Variants in ANKRD30BL observed in about 807,000 individuals in gnomAD.
ANKRD30BL encodes the protein ankyrin repeat domain 30B like.
Under a neutral mutation model 18.4 loss-of-function variants are expected in ANKRD30BL, and 20 were observed. That is an observed-to-expected ratio of 1.09 (90% confidence interval 0.77 to 1.58). ANKRD30BL has a LOEUF of 1.58. Ranked by LOEUF, ANKRD30BL falls within the 40% of genes most tolerant of loss-of-function variation. The pLI, the probability that ANKRD30BL is intolerant of heterozygous loss-of-function variation, is 0.00. For synonymous variants in ANKRD30BL, 72 were observed against 100.9 expected (o/e 0.71, Z 1.72); for missense variants, 224 against 268.6 (o/e 0.83, Z 1.16).
chr2:132,193,380 C>T (rs1678898342), intron 1 of ANKRD30BL, among the ~76,000 whole-genome samples: 1 of 152,210 alleles, frequency 6.6e-6, no homozygotes, highest in African/African-American at 2.4e-5. Context: ...TTTTCATCCT[C>T]AGAGGGACAT....
chr2:132,166,944 C>T (rs2104938190), upstream of ANKRD30BL, among the ~76,000 whole-genome samples: 1 of 151,914 alleles, frequency 6.6e-6, no homozygotes, highest in South Asian at 2.1e-4. Context: ...AATTTAGGTA[C>T]TAGTTCTACT....
intron 1 of ANKRD30BL, among the ~76,000 whole-genome samples, chr2:132,210,091 A>G (rs1205878755): frequency 6.6e-6 from 1 of 152,188 alleles, no homozygotes; most frequent in African/African-American, 2.4e-5. Flanking sequence ...TTCAACTCAC[A>G]GAGTTTAAAC....
intron 1 of ANKRD30BL, among the ~76,000 whole-genome samples, chr2:132,224,237 C>T (rs1332729112): frequency 1.3e-5 from 2 of 151,520 alleles, no homozygotes; most frequent in Non-Finnish European, 2.9e-5. Context: ...GATTGAAATA[C>T]TCTTTTTGTA....
chr2:132,160,125 A>G (rs1688014203), intron 1 of ANKRD30BL, among the ~76,000 whole-genome samples: 1 of 152,052 alleles, frequency 6.6e-6, no homozygotes, highest in African/African-American at 2.4e-5. Flanking sequence ...TATTTTTGAG[A>G]CAGAGTCTCA....
chr2:132,154,738 T>G lies in ANKRD30BL; in HGVS notation c.538A>C (p.Arg180=). 1.4e-6 allele frequency: 1 copy of G among 727,100 alleles called. No homozygotes were observed. The highest frequency in any genetic ancestry group is 2.6e-6 in the Non-Finnish European group (1 of 390,010). 45.0% of individuals were successfully genotyped at this position (727,100 alleles called of 1,614,324 possible). The part of the protein sequence containing the change: ...AGHTPLLLAI[R]KRSEEIVEFL... ...TCCACAATTTCCTCACTTCTTTTCC[T>G]TATGGCCAGTAAAAGTGGTGTGTGG... Residue 180 remains arginine, a synonymous_variant, in exon 4 of 6, where the codon AGG becomes CGG. Coordinates refer to ENST00000409867, the MANE Select transcript of ANKRD30BL (RefSeq NM_001358416.1).
chr2:132,151,225 A>G (rs1415206728), intron 4 of ANKRD30BL, among the ~76,000 whole-genome samples: 5 of 152,204 alleles, frequency 3.3e-5, no homozygotes, highest in Admixed American at 2.0e-4. Context: ...AGGTAGCTTG[A>G]CATGTGGAAA....
At chr2:132,249,017 A>T (rs910299970) in intron 1 of ANKRD30BL, among the ~76,000 whole-genome samples, 16 of 152,226 alleles carry the variant, frequency 1.1e-4, no homozygotes, top group African/African-American at 3.9e-4. Flanking sequence ...ATTGCACAAG[A>T]AAAGAGTTTC....
rs77382622 is a variant in ANKRD30BL at position 132,252,762 on chromosome 2, C to T, written n.441+4767G>A. 1.5e-4 allele frequency among the ~76,000 whole-genome samples: 23 copies of T among 152,052 alleles called. No individual in the cohort carries two copies. In the South Asian group the frequency reaches 1.9e-3, roughly 12 times the overall value. On this transcript the variant is annotated intron_variant and non_coding_transcript_variant, in intron 1 of 4. Transcript: ENST00000470729. ...CCCCACCACCGACGACGTGAGACGA[C>T]GACGGCATGGGACCTTCCACCCCGC...
At chr2:132,157,516 C>T (rs1479338073) in intron 1 of ANKRD30BL, 93 bp from the exon 2 acceptor site, 9 of 453,426 alleles carry the variant, frequency 2.0e-5, no homozygotes, top group Non-Finnish European at 2.8e-5. Flanking sequence ...ATACCATGCT[C>T]TTTCTCTGCC....
upstream of ANKRD30BL, among the ~76,000 whole-genome samples, chr2:132,162,561 C>G (rs1174212181): frequency 6.6e-6 from 1 of 152,220 alleles, no homozygotes; most frequent in Non-Finnish European, 1.5e-5. Flanking sequence ...GTCCCACTGC[C>G]TGACTTAGGC....
intron 1 of ANKRD30BL, chr2:132,256,945 C>G (rs78879023): frequency 2.0e-6 from 1 of 496,366 alleles, no homozygotes; most frequent in Non-Finnish European, 4.0e-6. Flanking sequence ...CCTGGGAGCC[C>G]GCAGAGGGGC....
rs939901961 is a variant in ANKRD30BL at position 132,255,125 on chromosome 2, G to A, written n.441+2404C>T. On this transcript the variant is annotated intron_variant and non_coding_transcript_variant, in intron 1 of 4. Coordinates refer to the ANKRD30BL transcript ENST00000470729. ...CACCGCCACATCGCCAGTTGGCATCGTTTATGGTCGGAATTACAACGGTAT... is the reference window on the plus strand; with the variant it reads ...CACCGCCACATCGCCAGTTGGCATCATTTATGGTCGGAATTACAACGGTAT... Among the ~76,000 whole-genome samples the A allele has an allele frequency of 3.9e-4, 59 of 152,332 alleles. 1 individual carries two copies. The highest frequency in any genetic ancestry group is 6.9e-4 in the Non-Finnish European group (47 of 68,036).
At chr2:132,233,217 G>C (rs1193293838) in intron 1 of ANKRD30BL, among the ~76,000 whole-genome samples, 1 of 151,986 alleles carries the variant, frequency 6.6e-6, no homozygotes, top group Non-Finnish European at 1.5e-5. Flanking sequence ...ACCAGTACCA[G>C]CCACTGCAAA....
At chr2:132,188,569 G>A (rs868588273) in intron 1 of ANKRD30BL, among the ~76,000 whole-genome samples, 1 of 152,112 alleles carries the variant, frequency 6.6e-6, no homozygotes, top group Non-Finnish European at 1.5e-5. Flanking sequence ...AATTAGCCGG[G>A]CATGGTGGCA....
At chr2:132,151,308 A>C (rs571261849) in intron 4 of ANKRD30BL, among the ~76,000 whole-genome samples, 1 of 152,150 alleles carries the variant, frequency 6.6e-6, no homozygotes, top group Non-Finnish European at 1.5e-5. Flanking sequence ...TGCTTCTCTT[A>C]GACTCAATGT....
chr2:132,238,594 C>T (rs1052745791), intron 1 of ANKRD30BL, among the ~76,000 whole-genome samples: 24 of 151,710 alleles, frequency 1.6e-4, no homozygotes, highest in African/African-American at 5.6e-4. Flanking sequence ...CTCTTTGAAG[C>T]CTATGGTGAA....
intron 1 of ANKRD30BL, chr2:132,257,437 G>C (rs1490032581): frequency 3.2e-6 from 1 of 310,568 alleles, no homozygotes; most frequent in Non-Finnish European, 6.2e-6. Context: ...CCCCTGACTC[G>C]GAAGGGGAAG....
Position 132,236,866 on chromosome 2 carries a change from G to A in ANKRD30BL, n.441+20663C>T, listed in dbSNP as rs568973992. Among the ~76,000 whole-genome samples the A allele has an allele frequency of 1.8e-4, 28 of 151,686 alleles. No homozygotes were observed. The East Asian group carries it at 4.3e-3, about 23-fold the overall frequency. On this transcript the variant is annotated intron_variant and non_coding_transcript_variant, in intron 1 of 4. Coordinates refer to the ANKRD30BL transcript ENST00000470729. Reference sequence around the variant, plus strand: ...CACTATTCACAATAGCAAAGACTTGGAACCAACCCAAATGTCCAACAATGA... The same window carrying A: ...CACTATTCACAATAGCAAAGACTTGAAACCAACCCAAATGTCCAACAATGA...
chr2:132,164,269 C>CTTTTTTTT (rs796313755), upstream of ANKRD30BL, among the ~76,000 whole-genome samples: 19 of 112,220 alleles, frequency 1.7e-4, no homozygotes, highest in Admixed American at 8.0e-4. Context: ...TTTTCTTTTT[C>CTTTTTTTT]TTTTTTTTTT....
Sources: allele counts gnomAD v4.1 joint callset (sites outside exome capture counted in the v4.1 genomes callset), GRCh38; gene constraint gnomAD v4.1.1; transcripts MANE v1.5; gene names NCBI Gene and HGNC (gene_info 2026-07-23, HGNC 2026-07-21).